Variants in KCNN2 observed in about 807,000 individuals in gnomAD.
The protein encoded by KCNN2 is small conductance calcium-activated potassium channel protein 2.
KCNN2 carries 24 observed loss-of-function variants against 55.5 expected under a neutral mutation model. The observed-to-expected ratio is 0.43, with a 90% CI of 0.31 to 0.61. The LOEUF (loss-of-function observed/expected upper bound fraction) is 0.61. KCNN2 is among the 20% of genes least tolerant of loss of function. KCNN2 has a pLI of 0.08. For missense variants in KCNN2, 754 were observed against 853.6 expected (o/e 0.88, Z 1.45); for synonymous variants, 431 against 336.1 (o/e 1.28, Z -3.09).
intron 1 of KCNN2, among the ~76,000 whole-genome samples, chr5:114,058,059 C>A (rs562881859): frequency 6.6e-6 from 1 of 152,204 alleles, no homozygotes; most frequent in South Asian, 2.1e-4. Context: ...TAGGTTTATA[C>A]CTGTGAGAAA....
rs149203982 is a variant in KCNN2, at chr5:114,378,234, C to T, written c.1218+14233C>T. Among the ~76,000 whole-genome samples the T allele has an allele frequency of 2.3e-3, 348 of 152,268 alleles. 1 individual carries two copies. Among genetic ancestry groups the T allele is most frequent in the African/African-American group, 8.3e-3 (343 of 41,550 alleles). Reference sequence around the variant, plus strand: ...CACTTGTTCAGGTATTGTATATTGCCGCTTTTGTGCTACGATGGCAGAGTT... The same window carrying T: ...CACTTGTTCAGGTATTGTATATTGCTGCTTTTGTGCTACGATGGCAGAGTT... On this transcript the variant is annotated intron_variant, in intron 2 of 7. Coordinates refer to ENST00000673685, the MANE Select transcript of KCNN2 (RefSeq NM_021614.4).
chr5:114,129,428 G>A (rs767187408), intron 1 of KCNN2, among the ~76,000 whole-genome samples: 20 of 152,148 alleles, frequency 1.3e-4, no homozygotes, highest in Non-Finnish European at 1.8e-4. Context: ...TGCCACTGAC[G>A]CTCTTCATAT....
At chr5:114,348,340 T>C (rs1287441505) in intron 2 of KCNN2, among the ~76,000 whole-genome samples, 2 of 151,526 alleles carry the variant, frequency 1.3e-5, no homozygotes, top group African/African-American at 2.4e-5. Flanking sequence ...AGTTAATGGG[T>C]GCAGCACACC....
At chr5:114,071,905 AG>A in intron 1 of KCNN2, among the ~76,000 whole-genome samples, 1 of 152,318 alleles carries the variant, frequency 6.6e-6, no homozygotes, top group Non-Finnish European at 1.5e-5. Flanking sequence ...GCCTCATAAA[AG>A]ATGATTAGGT....
rs144837064 is a variant in KCNN2, at chr5:114,159,174, C to G, written c.-270-62306C>G. 2.1e-3 allele frequency among the ~76,000 whole-genome samples: 314 copies of G among 152,176 alleles called. 1 individual carries two copies. Among genetic ancestry groups the G allele is most frequent in the African/African-American group, 7.3e-3 (304 of 41,512 alleles). ...TAGCGCTTATTATTTTGAGATACGT[C>G]CCATCAATACCTAATTTATTGAGAG... is the stretch of plus-strand genomic sequence containing the variant. On this transcript the variant is annotated intron_variant, in intron 1 of 10. Coordinates refer to the KCNN2 transcript ENST00000512097.
At chr5:114,493,615 C>T in intron 7 of KCNN2, 143 bp downstream of exon 7, 1 of 643,546 alleles carries the variant, frequency 1.6e-6, no homozygotes, top group East Asian at 2.7e-5. Context: ...AATGATGGTC[C>T]AACTTAAAAG....
chr5:114,315,861 T>A (rs1026847160), intron 2 of KCNN2, among the ~76,000 whole-genome samples: 1 of 152,146 alleles, frequency 6.6e-6, no homozygotes, highest in African/African-American at 2.4e-5. Flanking sequence ...AGTGACCTTA[T>A]TGGAACATTC....
chr5:114,311,626 T>A (rs1354469458), intron 2 of KCNN2, among the ~76,000 whole-genome samples: 1 of 152,222 alleles, frequency 6.6e-6, no homozygotes, highest in Non-Finnish European at 1.5e-5. Flanking sequence ...GCTTTGGTTT[T>A]ATCAAGCTTT....
chr5:114,200,661 T>TC (rs767870987), intron 1 of KCNN2, among the ~76,000 whole-genome samples: 7 of 152,288 alleles, frequency 4.6e-5, no homozygotes, highest in Non-Finnish European at 5.9e-5. Flanking sequence ...ATTTTTTTTT[T>TC]CAAATTGCTT....
intron 1 of KCNN2, among the ~76,000 whole-genome samples, chr5:114,190,272 C>T (rs1285299089): frequency 6.6e-6 from 1 of 152,106 alleles, no homozygotes; most frequent in East Asian, 1.9e-4. Context: ...CATATCTGCA[C>T]TGCTCTTGTG....
intron 1 of KCNN2, among the ~76,000 whole-genome samples, chr5:114,083,951 G>T (rs78539551): frequency 0.016 from 2,379 of 151,940 alleles, 55 homozygotes; most frequent in African/African-American, 0.054. Flanking sequence ...TTCAGTCTGG[G>T]TTCTTTCACT....
chr5:114,312,386 TACACACACACACACACACACACAC>T (rs70976336), intron 2 of KCNN2, among the ~76,000 whole-genome samples: 14 of 51,828 alleles, frequency 2.7e-4, no homozygotes, highest in African/African-American at 4.8e-4. Context: ...AAAAAGGAGA[TACACACACACACACACACACACAC>T]ACACACACAC....
At chr5:114,291,946 G>C (rs958475210) in intron 2 of KCNN2, among the ~76,000 whole-genome samples, 9 of 152,166 alleles carry the variant, frequency 5.9e-5, no homozygotes, top group Non-Finnish European at 1.2e-4. Flanking sequence ...GGCCAGTGAT[G>C]ATGAGCATTT....
At chr5:114,377,042 C>T (rs62381468) in intron 2 of KCNN2, among the ~76,000 whole-genome samples, 244 of 152,166 alleles carry the variant, frequency 1.6e-3, no homozygotes, top group African/African-American at 5.5e-3. Flanking sequence ...ATTGTACTAC[C>T]GCCCTCTAGC....
chr5:114,126,581 A>T (rs1580536237), intron 1 of KCNN2, among the ~76,000 whole-genome samples: 2 of 152,154 alleles, frequency 1.3e-5, no homozygotes, highest in Admixed American at 1.3e-4. Context: ...GGGAACTACA[A>T]TTCAAGATGA....
At chr5:114,237,044 T>C (rs1754511645) in intron 2 of KCNN2, among the ~76,000 whole-genome samples, 1 of 152,112 alleles carries the variant, frequency 6.6e-6, no homozygotes, top group Non-Finnish European at 1.5e-5. Flanking sequence ...GCTAAAATAG[T>C]CTTGAACATA....
chr5:114,444,374 C>G (rs1760325062), intron 3 of KCNN2, among the ~76,000 whole-genome samples: 2 of 149,666 alleles, frequency 1.3e-5, no homozygotes, highest in African/African-American at 4.9e-5. Flanking sequence ...AAATACAGGC[C>G]AAAGTGGGGA....
chr5:114,283,032 A>G (rs759494390), intron 2 of KCNN2, among the ~76,000 whole-genome samples: 6 of 152,090 alleles, frequency 3.9e-5, no homozygotes, highest in Non-Finnish European at 8.8e-5. Context: ...TATCATGTGA[A>G]TTTGTTTTTA....
At chr5:114,246,734 A>G (rs1754755317) in intron 2 of KCNN2, among the ~76,000 whole-genome samples, 1 of 152,278 alleles carries the variant, frequency 6.6e-6, no homozygotes, top group Non-Finnish European at 1.5e-5. Flanking sequence ...GAATAACACA[A>G]TATTCAAATG....
Sources: gnomAD v4.1 joint callset for allele counts (sites outside exome capture counted in the v4.1 genomes callset) on GRCh38, gnomAD v4.1.1 for gene constraint, MANE v1.5 for transcripts, NCBI Gene and HGNC (gene_info 2026-07-23, HGNC 2026-07-21) for gene names.